The following IL4R variants were observed in gnomAD, a reference collection of about 807,000 sequenced individuals.
IL4R encodes the protein interleukin-4 receptor subunit alpha.
In IL4R, 17 loss-of-function variants were observed where a neutral mutation model predicts 41.5. The observed-to-expected ratio is 0.41, with a 90% CI of 0.28 to 0.61. IL4R has a LOEUF of 0.61. Ranked by LOEUF, IL4R falls within the 20% of genes least tolerant of loss-of-function variation. The pLI is 0.31. For missense variants in IL4R, 974 were observed against 1,043.1 expected (o/e 0.93, Z 0.91); for synonymous variants, 402 against 422.9 (o/e 0.95, Z 0.61).
chr16:27,335,304 A>G (rs564289658), intron 2 of IL4R, among the ~76,000 whole-genome samples: 1 of 152,294 alleles, frequency 6.6e-6, no homozygotes, highest in East Asian at 1.9e-4. Flanking sequence ...GTTAATATAC[A>G]ATACAAGTTT....
intron 6 of IL4R, among the ~76,000 whole-genome samples, chr16:27,347,864 C>T (rs1265868702): frequency 1.3e-5 from 2 of 152,230 alleles, no homozygotes; most frequent in Non-Finnish European, 2.9e-5. Context: ...AGGGCTATGA[C>T]AGTACAAGGT....
Position 27,342,197 on chromosome 16 carries a change from T to C in IL4R, c.147T>C (p.Asn49=). ...TCTCTACTTGCGAGTGGAAGATGAA[T>C]GGTCCCACCAATTGCAGCACCGAGC... ...MSISTCEWKM[N]GPTNCSTELR... is the part of the protein sequence containing the mutation. The change falls in exon 4 of 11, where the codon AAT becomes AAC. Residue 49 remains asparagine (N), a synonymous_variant. Coordinates refer to ENST00000395762, the MANE Select transcript of IL4R (RefSeq NM_000418.4). The C allele has an allele frequency of 6.2e-7, 1 of 1,614,222 alleles. No individual in the cohort carries two copies. The highest frequency in any genetic ancestry group is 8.5e-7 in the Non-Finnish European group (1 of 1,180,040).
intron 9 of IL4R, 70 bp downstream of exon 9, chr16:27,359,064 C>A: frequency 1.7e-6 from 2 of 1,169,286 alleles, no homozygotes; most frequent in Non-Finnish European, 1.3e-6. Flanking sequence ...AACACCTGGG[C>A]TGTTAAGGAC....
chr16:27,330,535 G>A (rs1377805958), intron 2 of IL4R, among the ~76,000 whole-genome samples: 1 of 152,038 alleles, frequency 6.6e-6, no homozygotes, highest in African/African-American at 2.4e-5. Flanking sequence ...TGACCTTATT[G>A]GGATTTCCCG....
chr16:27,320,379 C>T (rs995645815), intron 1 of IL4R, among the ~76,000 whole-genome samples: 2 of 152,126 alleles, frequency 1.3e-5, no homozygotes, highest in Non-Finnish European at 2.9e-5. Flanking sequence ...TGAATCATCC[C>T]GAAGCCATGG....
At chr16:27,340,776 G>A (rs892228983) in intron 3 of IL4R, among the ~76,000 whole-genome samples, 10 of 152,208 alleles carry the variant, frequency 6.6e-5, no homozygotes, top group African/African-American at 1.2e-4. Flanking sequence ...AGGGGGTTGG[G>A]GAAGCTGGGT....
At chr16:27,329,607 G>T (rs918173264) in intron 1 of IL4R, among the ~76,000 whole-genome samples, 1 of 151,176 alleles carries the variant, frequency 6.6e-6, no homozygotes, top group African/African-American at 2.4e-5. Flanking sequence ...AACCCGGGAG[G>T]TGGAGGTTGC....
At chr16:27,337,575 C>CTTTTTTTTTTT (rs533237354) in intron 2 of IL4R, among the ~76,000 whole-genome samples, 1 of 142,326 alleles carries the variant, frequency 7.0e-6, no homozygotes. Flanking sequence ...TTTTCTTTTT[C>CTTTTTTTTTTT]TTTTTTTTTT....
chr16:27,362,207 T>C, intron 10 of IL4R, 45 bp from the exon 11 acceptor site: 2 of 1,588,210 alleles, frequency 1.3e-6, no homozygotes, highest in Non-Finnish European at 1.7e-6. Context: ...AATAGGAGTT[T>C]TTCAAGTGTC....
At chr16:27,340,326 G>A in intron 3 of IL4R, 53 bp downstream of exon 3, 1 of 1,409,870 alleles carries the variant, frequency 7.1e-7, no homozygotes, top group East Asian at 2.3e-5. Context: ...GGCGTGCCAG[G>A]GTCCTGCAGT....
In IL4R at chr16:27,348,444, AT is replaced by A. The variant is rs142208306; in HGVS notation, c.513+1827del. Among the ~76,000 whole-genome samples the A allele has an allele frequency of 3.3e-5, 5 of 152,286 alleles. No individual in the cohort carries two copies. In the East Asian group the frequency reaches 5.8e-4, roughly 18 times the overall value. On this transcript the variant is annotated intron_variant, in intron 6 of 10. Coordinates refer to ENST00000395762, the MANE Select transcript of IL4R (RefSeq NM_000418.4). ...TTATTTAATATTTTCATATTTCTAG[AT>A]CTGCCTTCAGGCATGGCTGGATCCA...
chr16:27,340,013 C>T (rs2085388144), intron 2 of IL4R, among the ~76,000 whole-genome samples, 173 bp from the exon 3 acceptor site: 3 of 152,066 alleles, frequency 2.0e-5, no homozygotes. Flanking sequence ...GCTGAGATTG[C>T]ACCACTGCAC....
At chr16:27,334,147 G>C (rs2085189413) in intron 2 of IL4R, among the ~76,000 whole-genome samples, 1 of 152,162 alleles carries the variant, frequency 6.6e-6, no homozygotes, top group South Asian at 2.1e-4. Flanking sequence ...CTCCCGAAGT[G>C]CTGGGATTAC....
At chr16:27,347,392 C>T (rs1327999569) in intron 6 of IL4R, among the ~76,000 whole-genome samples, 4 of 152,108 alleles carry the variant, frequency 2.6e-5, no homozygotes, top group Non-Finnish European at 5.9e-5. Flanking sequence ...GGTTTCACTG[C>T]GTTGGCCAGG....
chr16:27,317,722 C>G (rs887804666), intron 1 of IL4R, among the ~76,000 whole-genome samples: 1 of 152,234 alleles, frequency 6.6e-6, no homozygotes, highest in Admixed American at 6.5e-5. Context: ...GAGCTGGCTA[C>G]TTCCCAGCTC....
At chr16:27,330,726 C>T (rs1334511955) in intron 2 of IL4R, among the ~76,000 whole-genome samples, 1 of 152,234 alleles carries the variant, frequency 6.6e-6, no homozygotes, top group East Asian at 1.9e-4. Flanking sequence ...CCCCTCAGCC[C>T]CTGGCACCCA....
In IL4R at chr16:27,362,862, C is replaced by T. The variant is rs142226792; in HGVS notation, c.1510C>T (p.Leu504=). ...TGCTTACCGCAGCTTCAGCAACTCC[C>T]TGAGCCAGTCACCGTGTCCCAGAGA... The part of the protein sequence containing the change: ...NPAYRSFSNS[L]SQSPCPRELG... Residue 504 remains leucine (L), a synonymous_variant, in exon 11 of 11, where the codon CTG becomes TTG. Coordinates refer to ENST00000395762, the MANE Select transcript of IL4R (RefSeq NM_000418.4). The T allele has an allele frequency of 2.7e-5, 44 of 1,614,194 alleles. No individual in the cohort carries two copies. In the East Asian group the frequency reaches 8.9e-4, roughly 33 times the overall value.
Position 27,340,262 on chromosome 16 carries a change from T to C in IL4R, c.59T>C (p.Val20Ala), listed in dbSNP as rs1242372941. ...GTGAGCTGCCTGGTCCTGCTGCAGG[T>C]GGCAAGCTCTGGTAAGTCACCACTT... ...FPVSCLVLLQ[V>A]ASSGNMKVLQ... The change falls in exon 3 of 11, where the codon GTG becomes GCG. Residue 20 changes from valine to alanine, a missense_variant. By Grantham distance (64) the Val-to-Ala change is moderately conservative. Coordinates refer to ENST00000395762, the MANE Select transcript of IL4R (RefSeq NM_000418.4). The C allele has an allele frequency of 1.9e-6, 3 of 1,613,644 alleles. No homozygotes were observed. Among genetic ancestry groups the C allele is most frequent in the Non-Finnish European group, 1.7e-6 (2 of 1,179,734 alleles).
At chr16:27,332,444 C>T (rs921917803) in intron 2 of IL4R, among the ~76,000 whole-genome samples, 17 of 152,194 alleles carry the variant, frequency 1.1e-4, no homozygotes, top group African/African-American at 3.9e-4. Flanking sequence ...AATCACCTCC[C>T]ATGAGGTCCT....
Sources: gnomAD v4.1 joint callset for allele counts (sites outside exome capture counted in the v4.1 genomes callset) on GRCh38, gnomAD v4.1.1 for gene constraint, MANE v1.5 for transcripts, NCBI Gene and HGNC (gene_info 2026-07-23, HGNC 2026-07-21) for gene names.